TMEM132C: variants seen among roughly 807,000 people sequenced by gnomAD.
TMEM132C encodes the protein transmembrane protein 132C.
In TMEM132C, 29 loss-of-function variants were observed where a neutral mutation model predicts 61.4. The observed-to-expected ratio is 0.47, with a 90% CI of 0.35 to 0.64. The LOEUF (loss-of-function observed/expected upper bound fraction) is 0.64. TMEM132C is among the 30% of genes least tolerant of loss of function. TMEM132C has a pLI of 0.00. For synonymous variants in TMEM132C, 656 were observed against 633.1 expected, an observed-to-expected ratio of 1.04 and a Z score of -0.54; for missense variants, 1,408 against 1,476.9, an observed-to-expected ratio of 0.95 and a Z score of 0.76.
At chr12:128,369,420 C>T (rs757218570) in intron 1 of TMEM132C, among the ~76,000 whole-genome samples, 24 of 152,162 alleles carry the variant, frequency 1.6e-4, no homozygotes, top group Non-Finnish European at 2.9e-4. Context: ...GATGCCAAAT[C>T]AGAGGAAGTT....
At chr12:128,592,625 T>G (rs1875793693) in intron 3 of TMEM132C, among the ~76,000 whole-genome samples, 1 of 152,162 alleles carries the variant, frequency 6.6e-6, no homozygotes. Flanking sequence ...GATGCTAAGC[T>G]CCCTGCCCTG....
intron 1 of TMEM132C, among the ~76,000 whole-genome samples, chr12:128,392,625 G>A (rs895065898): frequency 1.3e-5 from 2 of 152,158 alleles, no homozygotes; most frequent in Non-Finnish European, 2.9e-5. Flanking sequence ...AGGAGGTGGG[G>A]TAGCAAAGAC....
In TMEM132C at chr12:128,642,472, T is replaced by C. The variant is rs146785561; in HGVS notation, c.1305+26137T>C. 3.5e-4 allele frequency among the ~76,000 whole-genome samples: 54 copies of C among 152,286 alleles called. 1 individual carries two copies. The East Asian group carries it at 9.3e-3, about 26-fold the overall frequency. Reference sequence around the variant, plus strand: ...CCCCAGCATTGGAGGTGGGGCCTGATGGGAAGTATTTGGGTCATGGGGACC... The same window carrying C: ...CCCCAGCATTGGAGGTGGGGCCTGACGGGAAGTATTTGGGTCATGGGGACC... On this transcript the variant is annotated intron_variant, in intron 4 of 8. Coordinates refer to ENST00000435159, the MANE Select transcript of TMEM132C (RefSeq NM_001136103.3).
At chr12:128,419,226 A>T (rs1298302549) in intron 2 of TMEM132C, among the ~76,000 whole-genome samples, 1 of 152,254 alleles carries the variant, frequency 6.6e-6, no homozygotes, top group Non-Finnish European at 1.5e-5. Flanking sequence ...TCAAGAAACC[A>T]ATAGGTATTT....
intron 2 of TMEM132C, among the ~76,000 whole-genome samples, chr12:128,456,302 T>C (rs2136062975): frequency 6.6e-6 from 1 of 151,658 alleles, no homozygotes; most frequent in Admixed American, 6.6e-5. Context: ...TATTTTTCCT[T>C]ATTTTTATTA....
At chr12:128,302,651 A>C (rs1203345502) in intron 1 of TMEM132C, among the ~76,000 whole-genome samples, 1 of 152,230 alleles carries the variant, frequency 6.6e-6, no homozygotes, top group African/African-American at 2.4e-5. Context: ...CAGGGCTTTA[A>C]GAGAATGTGG....
chr12:128,465,593 G>A (rs951730251), intron 2 of TMEM132C, among the ~76,000 whole-genome samples: 3 of 152,230 alleles, frequency 2.0e-5, no homozygotes, highest in Non-Finnish European at 4.4e-5. Context: ...GGTGACACCA[G>A]GACAATCCAT....
chr12:128,513,590 C>T (rs1477472626), intron 2 of TMEM132C, among the ~76,000 whole-genome samples: 1 of 152,072 alleles, frequency 6.6e-6, no homozygotes, highest in Non-Finnish European at 1.5e-5. Flanking sequence ...AGAGGGAAAG[C>T]ATCCTGGCTC....
chr12:128,643,423 C>T (rs766410083), intron 4 of TMEM132C, among the ~76,000 whole-genome samples: 18 of 152,096 alleles, frequency 1.2e-4, no homozygotes, highest in Non-Finnish European at 2.4e-4. Context: ...CAGACATGCT[C>T]GTTAACAATT....
At chr12:128,542,583 C>T (rs34369666) in intron 2 of TMEM132C, among the ~76,000 whole-genome samples, 61,405 of 151,914 alleles carry the variant, frequency 0.4, 14,471 homozygotes, top group Non-Finnish European at 0.52. Flanking sequence ...TGGGATTGGC[C>T]GGACGCAGTG....
At chr12:128,344,628 C>T (rs766039296) in intron 1 of TMEM132C, among the ~76,000 whole-genome samples, 1 of 152,216 alleles carries the variant, frequency 6.6e-6, no homozygotes, top group South Asian at 2.1e-4. Context: ...TCCTCATCAA[C>T]ACTTGCTATT....
chr12:128,308,920 A>T (rs550102400), intron 1 of TMEM132C, among the ~76,000 whole-genome samples: 4 of 152,276 alleles, frequency 2.6e-5, no homozygotes, highest in Admixed American at 6.5e-5. Flanking sequence ...AATGGATTTT[A>T]AAAATGTGAT....
intron 2 of TMEM132C, among the ~76,000 whole-genome samples, chr12:128,425,240 C>G (rs1869140603): frequency 6.6e-6 from 1 of 152,248 alleles, no homozygotes; most frequent in South Asian, 2.1e-4. Context: ...GCAAACTCCC[C>G]ACCTGCACAC....
intron 1 of TMEM132C, among the ~76,000 whole-genome samples, chr12:128,410,215 A>G (rs1868487472): frequency 1.3e-5 from 2 of 152,176 alleles, no homozygotes; most frequent in East Asian, 3.9e-4. Flanking sequence ...AGTTACAAGA[A>G]TAGTGAAAGG....
rs1220649914 is a variant in TMEM132C at position 128,326,708 on chromosome 12, G to A, written c.85+59221G>A. Among the ~76,000 whole-genome samples the A allele has an allele frequency of 6.6e-6, 1 of 152,144 alleles. No individual in the cohort carries two copies. The highest frequency in any genetic ancestry group is 2.4e-5 in the African/African-American group (1 of 41,428). On this transcript the variant is annotated intron_variant, in intron 1 of 8. Transcript: ENST00000435159. This position sits in a 1 kb window ranked among gnomAD's most constrained non-coding sequence, Gnocchi z 5.6. ...CTATTAGCCTTTGTGCCCCTAAGAC[G>A]GAGCAGGCTGGAAGGTAAGAGGCAG...
intron 1 of TMEM132C, among the ~76,000 whole-genome samples, chr12:128,409,036 T>G (rs889637060): frequency 6.6e-6 from 1 of 152,104 alleles, no homozygotes; most frequent in Non-Finnish European, 1.5e-5. Flanking sequence ...AATATACGAA[T>G]GCAGGCTTGT....
chr12:128,319,412 C>T (rs1220821677), intron 1 of TMEM132C, among the ~76,000 whole-genome samples: 7 of 151,444 alleles, frequency 4.6e-5, no homozygotes, highest in African/African-American at 1.7e-4. Context: ...TCTGTTGGGC[C>T]AAGTGCGGTT....
Position 128,301,459 on chromosome 12 carries a change from G to A in TMEM132C, c.85+33972G>A, listed in dbSNP as rs184603814. On this transcript the variant is annotated intron_variant, in intron 1 of 8. Coordinates refer to ENST00000435159, the MANE Select transcript of TMEM132C (RefSeq NM_001136103.3). ...TATTAGTAGTAGTATTAGTATTAGC[G>A]TTGCCTGCCTGCCTAATAGTTTCCC... is the stretch of plus-strand genomic sequence containing the variant. Among the ~76,000 whole-genome samples, 538 of 152,190 alleles carry A rather than the reference G, an allele frequency of 3.5e-3. 1 individual carries two copies. Among genetic ancestry groups the A allele is most frequent in the Admixed American group, 8.0e-3 (122 of 15,278 alleles).
At chr12:128,507,317 G>T (rs549581419) in intron 2 of TMEM132C, among the ~76,000 whole-genome samples, 208 of 151,946 alleles carry the variant, frequency 1.4e-3, no homozygotes, top group African/African-American at 4.5e-3. Flanking sequence ...TGAGATTTTA[G>T]GATCGAGAGA....
Sources: allele counts gnomAD v4.1 joint callset (sites outside exome capture counted in the v4.1 genomes callset), GRCh38; gene constraint gnomAD v4.1.1; non-coding constraint Gnocchi (gnomAD v3.1); transcripts MANE v1.5; gene names NCBI Gene and HGNC (gene_info 2026-07-23, HGNC 2026-07-21).